The following NTRK2 variants were observed in gnomAD, a reference collection of about 807,000 sequenced individuals.
The protein encoded by NTRK2 is neurotrophic receptor tyrosine kinase 2.
A neutral mutation model predicts 94.5 loss-of-function variants in NTRK2; 13 were observed. The observed-to-expected ratio is 0.14, with a 90% CI of 0.09 to 0.22. The LOEUF (loss-of-function observed/expected upper bound fraction) is 0.22. Ranked by LOEUF, NTRK2 falls within the 10% of genes least tolerant of loss-of-function variation. The pLI is 1.00. For missense variants in NTRK2, 639 were observed against 1,071.2 expected (o/e 0.60, Z 5.63); for synonymous variants, 372 against 407.4 (o/e 0.91, Z 1.05).
chr9:84,881,478 A>T (rs1418982594), intron 14 of NTRK2, among the ~76,000 whole-genome samples: 3 of 152,244 alleles, frequency 2.0e-5, no homozygotes, highest in African/African-American at 7.2e-5. Flanking sequence ...TCTGAATCAT[A>T]GTCTGTTCAA....
At chr9:84,898,510 T>C (rs570359419) in intron 14 of NTRK2, among the ~76,000 whole-genome samples, 3 of 152,068 alleles carry the variant, frequency 2.0e-5, no homozygotes, top group South Asian at 4.2e-4. Flanking sequence ...TTTTTCTTTC[T>C]TTTTTTTCTC....
chr9:84,991,596 T>C (rs1564531169), intron 17 of NTRK2, among the ~76,000 whole-genome samples: 1 of 152,148 alleles, frequency 6.6e-6, no homozygotes, highest in Non-Finnish European at 1.5e-5. Context: ...ACCAGTGGAA[T>C]TTTTCTCCCC....
At chr9:84,716,295 A>C (rs1291804519) in intron 6 of NTRK2, among the ~76,000 whole-genome samples, 1 of 152,228 alleles carries the variant, frequency 6.6e-6, no homozygotes, top group Non-Finnish European at 1.5e-5. Flanking sequence ...GCACATCGAC[A>C]AAATACTATT....
chr9:84,757,218 T>A (rs1282848098), intron 12 of NTRK2, among the ~76,000 whole-genome samples: 1 of 152,138 alleles, frequency 6.6e-6, no homozygotes, highest in East Asian at 1.9e-4. Context: ...TGCACTCTTG[T>A]TTTTCAAAAT....
chr9:84,854,548 A>T (rs901355089), intron 12 of NTRK2, among the ~76,000 whole-genome samples: 2 of 152,052 alleles, frequency 1.3e-5, no homozygotes, highest in East Asian at 3.9e-4. Flanking sequence ...GATGATAGAG[A>T]GTGGAAAGGG....
Position 85,025,228 on chromosome 9 carries a change from C to T in NTRK2, c.*3791C>T. ...GCCATCCCACTACATTGAGTGCTTT[C>T]TCTGGCTCCTTGCAAAGAAAGATAC... On this transcript the variant is annotated 3_prime_UTR_variant, in exon 19 of 19. Transcript: ENST00000277120. 4.3e-6 allele frequency: 1 copy of T among 233,178 alleles called. No individual in the cohort carries two copies. The highest frequency in any genetic ancestry group is 5.6e-5 in the Admixed American group (1 of 17,794). The allele number at this position is 233,178 out of a possible 1,614,324, so 14.4% of individuals were successfully genotyped here.
At chr9:84,818,820 C>A (rs2072594822) in intron 12 of NTRK2, among the ~76,000 whole-genome samples, 1 of 152,156 alleles carries the variant, frequency 6.6e-6, no homozygotes, top group African/African-American at 2.4e-5. Flanking sequence ...ACACGTCCTG[C>A]CATCTCCATG....
rs572293232 is a variant in NTRK2 at position 84,746,661 on chromosome 9, C to T, written c.1296+1588C>T. 2.6e-5 allele frequency among the ~76,000 whole-genome samples: 4 copies of T among 152,230 alleles called. No individual in the cohort carries two copies. In the East Asian group the frequency reaches 7.8e-4, roughly 30 times the overall value. Reference sequence around the variant, plus strand: ...CTTCCCGAGCTCTCTGACTTCATCTCCCACGCTCTTCTTACTGCTTGCCAC... The same window carrying T: ...CTTCCCGAGCTCTCTGACTTCATCTTCCACGCTCTTCTTACTGCTTGCCAC... On this transcript the variant is annotated intron_variant, in intron 11 of 18. Coordinates refer to ENST00000277120, the MANE Select transcript of NTRK2 (RefSeq NM_006180.6).
chr9:84,713,043 T>C (rs1305044486), intron 6 of NTRK2, among the ~76,000 whole-genome samples: 3 of 152,188 alleles, frequency 2.0e-5, no homozygotes, highest in Non-Finnish European at 4.4e-5. Context: ...AAAATGGCTG[T>C]ATCTATTTAT....
At chr9:84,888,540 G>A (rs1461117302) in intron 14 of NTRK2, among the ~76,000 whole-genome samples, 1 of 143,218 alleles carries the variant, frequency 7.0e-6, no homozygotes, top group African/African-American at 2.6e-5. Context: ...TTGAACCCGG[G>A]AGGCAGAGGT....
intron 2 of NTRK2, among the ~76,000 whole-genome samples, chr9:84,685,394 G>A (rs985061326): frequency 6.1e-5 from 9 of 146,648 alleles, no homozygotes; most frequent in Admixed American, 5.5e-4. Flanking sequence ...TGAAGTATTA[G>A]TGTCTTACTC....
intron 17 of NTRK2, among the ~76,000 whole-genome samples, chr9:84,963,203 C>T (rs1042203195): frequency 6.6e-6 from 1 of 152,242 alleles, no homozygotes; most frequent in Non-Finnish European, 1.5e-5. Flanking sequence ...AACATCCCCT[C>T]TGCAAATACT....
rs114635376 is a variant in NTRK2 at position 84,954,304 on chromosome 9, C to A, written c.1938-979C>A. ...CAATGACGCTCATCTTGGCTCACAG[C>A]GCAGGATGTCACAGCAGAGCCTGCC... On this transcript the variant is annotated intron_variant, in intron 16 of 18. Transcript: ENST00000277120. Among the ~76,000 whole-genome samples, 1,196 of 152,310 alleles carry A rather than the reference C, an allele frequency of 7.9e-3. 20 individuals are homozygous for A. Among genetic ancestry groups the A allele is most frequent in the African/African-American group, 0.026 (1,097 of 41,560 alleles).
chr9:84,881,497 C>A (rs529834030), intron 14 of NTRK2, among the ~76,000 whole-genome samples: 1 of 152,308 alleles, frequency 6.6e-6, no homozygotes, highest in Admixed American at 6.5e-5. Flanking sequence ...AACGAACAAA[C>A]AAGTGCTTTG....
At chr9:84,933,573 C>T (rs577595285) in intron 14 of NTRK2, among the ~76,000 whole-genome samples, 1 of 152,308 alleles carries the variant, frequency 6.6e-6, no homozygotes, top group South Asian at 2.1e-4. Flanking sequence ...TTAATGCAGA[C>T]GTCTAGATGT....
intron 14 of NTRK2, among the ~76,000 whole-genome samples, chr9:84,896,040 A>G (rs1204309148): frequency 6.6e-6 from 1 of 152,168 alleles, no homozygotes; most frequent in African/African-American, 2.4e-5. Flanking sequence ...CCACTCTGTC[A>G]TACATTTTTG....
At chr9:84,880,395 A>G (rs886876580) in intron 14 of NTRK2, among the ~76,000 whole-genome samples, 3 of 152,184 alleles carry the variant, frequency 2.0e-5, no homozygotes, top group African/African-American at 7.2e-5. Context: ...TCAGCATCCT[A>G]TGGGGAACCA....
chr9:84,872,179 G>T, intron 14 of NTRK2: 2 of 1,159,508 alleles, frequency 1.7e-6, no homozygotes, highest in Non-Finnish European at 1.1e-6. Context: ...GACAGCACGG[G>T]GTGGTTTCCC....
intron 14 of NTRK2, among the ~76,000 whole-genome samples, chr9:84,918,402 G>A (rs1349578907): frequency 6.6e-6 from 1 of 152,124 alleles, no homozygotes; most frequent in African/African-American, 2.4e-5. Context: ...GCCTGACATG[G>A]GTCCAGTGAA....
Sources: allele counts gnomAD v4.1 joint callset (sites outside exome capture counted in the v4.1 genomes callset), GRCh38; gene constraint gnomAD v4.1.1; transcripts MANE v1.5; gene names NCBI Gene and HGNC (gene_info 2026-07-23, HGNC 2026-07-21).